Variants in MYO3B observed in about 807,000 individuals in gnomAD.
MYO3B encodes the protein myosin IIIB, also known as myosin-IIIb.
MYO3B carries 156 observed loss-of-function variants against 174.6 expected under a neutral mutation model. The observed-to-expected ratio is 0.89, with a 90% CI of 0.78 to 1.02. MYO3B has a LOEUF of 1.02. Ranked by LOEUF, MYO3B falls within the 50% of genes least tolerant of loss-of-function variation. The pLI is 0.00. For synonymous variants in MYO3B, 563 were observed against 569.1 expected (o/e 0.99, Z 0.15); for missense variants, 1,632 against 1,639.4 (o/e 1.00, Z 0.08).
At chr2:170,403,893 C>T (rs1408908259) in intron 19 of MYO3B, among the ~76,000 whole-genome samples, 1 of 152,144 alleles carries the variant, frequency 6.6e-6, no homozygotes, top group Non-Finnish European at 1.5e-5. Flanking sequence ...TGTCGAACTC[C>T]TTGCAGAAGA....
intron 22 of MYO3B, among the ~76,000 whole-genome samples, chr2:170,419,165 A>G (rs1304504329): frequency 6.6e-6 from 1 of 152,268 alleles, no homozygotes; most frequent in Non-Finnish European, 1.5e-5. Context: ...TTAGTTTGAT[A>G]TGGTGCTGGA....
At chr2:170,553,032 G>A (rs1323986067) in intron 32 of MYO3B, among the ~76,000 whole-genome samples, 3 of 152,218 alleles carry the variant, frequency 2.0e-5, no homozygotes, top group African/African-American at 7.2e-5. Context: ...AGAAGCCTCT[G>A]CCTAGATTTC....
intron 5 of MYO3B, among the ~76,000 whole-genome samples, chr2:170,217,038 G>GA (rs5836266): frequency 0.035 from 5,180 of 149,156 alleles, 320 homozygotes; most frequent in East Asian, 0.3. Context: ...TAAATGATTG[G>GA]AAAAAAAAAA....
intron 23 of MYO3B, among the ~76,000 whole-genome samples, chr2:170,457,220 A>G (rs1416878007): frequency 6.6e-6 from 1 of 152,230 alleles, no homozygotes; most frequent in African/African-American, 2.4e-5. Flanking sequence ...CTTTATAAAT[A>G]ATGTACACTT....
rs1699198800 is a variant in MYO3B at position 170,654,806 on chromosome 2, A to G, written c.*1685A>G. On this transcript the variant is annotated 3_prime_UTR_variant, in exon 35 of 35. Transcript: ENST00000408978. ...AAATAATGAAATGAGGTATTTAAAG[A>G]TCTCAGAAATTGTAATTTTACAAGT... The G allele has an allele frequency of 6.6e-6, 1 of 152,110 alleles. No individual in the cohort carries two copies. The highest frequency in any genetic ancestry group is 1.5e-5 in the Non-Finnish European group (1 of 68,016). The allele number at this position is 152,110 out of a possible 1,614,324, so 9.4% of individuals were successfully genotyped here. A position where few individuals can be genotyped will look rare whatever the true frequency, so the allele number is the denominator to read the frequency against.
At chr2:170,387,990 A>G (rs2094388171) in intron 14 of MYO3B, among the ~76,000 whole-genome samples, 1 of 152,112 alleles carries the variant, frequency 6.6e-6, no homozygotes, top group South Asian at 2.1e-4. Flanking sequence ...TGTGGTACAT[A>G]CTATCAGAGT....
chr2:170,345,555 A>G (rs2094009412), intron 8 of MYO3B, among the ~76,000 whole-genome samples: 1 of 152,108 alleles, frequency 6.6e-6, no homozygotes, highest in Non-Finnish European at 1.5e-5. Context: ...CCCACATTTT[A>G]GTGAATAATG....
At chr2:170,546,812 G>A (rs1690523375) in intron 32 of MYO3B, among the ~76,000 whole-genome samples, 2 of 152,104 alleles carry the variant, frequency 1.3e-5, no homozygotes, top group South Asian at 4.1e-4. Context: ...AGAACATTGT[G>A]ACCTTTTCAG....
intron 25 of MYO3B, among the ~76,000 whole-genome samples, chr2:170,470,127 A>AAAAG (rs1559032936): frequency 7.0e-6 from 1 of 141,886 alleles, no homozygotes; most frequent in Non-Finnish European, 1.5e-5. Flanking sequence ...AAAAAAAAAA[A>AAAAG]AAAGAAGGAA....
intron 32 of MYO3B, among the ~76,000 whole-genome samples, chr2:170,554,411 A>G (rs1409712456): frequency 6.6e-6 from 1 of 152,208 alleles, no homozygotes; most frequent in East Asian, 1.9e-4. Context: ...AATCAATAGC[A>G]AGATTCTGAC....
intron 32 of MYO3B, among the ~76,000 whole-genome samples, chr2:170,573,076 C>T (rs1692546109): frequency 6.6e-6 from 1 of 151,764 alleles, no homozygotes; most frequent in African/African-American, 2.4e-5. Flanking sequence ...ATCTGTAAGG[C>T]AGAACCACTC....
At position 170,528,549 on chromosome 2, in the gene MYO3B, C is replaced by T. The variant is rs560256099; in HGVS notation, c.3575+9009C>T. Among the ~76,000 whole-genome samples, 9 of 152,236 alleles carry T rather than the reference C, an allele frequency of 5.9e-5. No individual in the cohort carries two copies. In the South Asian group the frequency reaches 1.9e-3, roughly 32 times the overall value. On this transcript the variant is annotated intron_variant, in intron 30 of 34. Coordinates refer to ENST00000408978, the MANE Select transcript of MYO3B (RefSeq NM_138995.5). ...GCCTCCTGACTAGCTGGGACTATAG[C>T]TGTGCACCACCATGACCAGCTAATT...
intron 7 of MYO3B, chr2:170,332,077 A>G (rs2093915620): frequency 6.6e-6 from 1 of 152,208 alleles, no homozygotes; most frequent in Non-Finnish European, 1.5e-5. Flanking sequence ...TAGAATGTGG[A>G]CATCTTTGAG....
chr2:170,222,011 A>G (rs1282482141), intron 6 of MYO3B, among the ~76,000 whole-genome samples: 5 of 152,262 alleles, frequency 3.3e-5, no homozygotes, highest in African/African-American at 1.2e-4. Context: ...TAACTTGAAC[A>G]ATAGATAATT....
chr2:170,517,644 C>T (rs1481160677), intron 29 of MYO3B, among the ~76,000 whole-genome samples: 3 of 152,146 alleles, frequency 2.0e-5, no homozygotes, highest in East Asian at 3.8e-4. Flanking sequence ...GGCCAGAGAA[C>T]AAGGTTAAAA....
intron 32 of MYO3B, among the ~76,000 whole-genome samples, chr2:170,606,578 G>A (rs1027156188): frequency 2.0e-5 from 3 of 152,144 alleles, no homozygotes; most frequent in African/African-American, 7.2e-5. Context: ...CTCCATGAAG[G>A]TATGGGTCAT....
intron 30 of MYO3B, among the ~76,000 whole-genome samples, chr2:170,525,118 T>A (rs1445238765): frequency 6.6e-6 from 1 of 152,140 alleles, no homozygotes; most frequent in African/African-American, 2.4e-5. Context: ...CTGTGATTGA[T>A]GAAGAAAATT....
chr2:170,498,328 C>T (rs897965679), intron 25 of MYO3B, among the ~76,000 whole-genome samples: 1 of 152,118 alleles, frequency 6.6e-6, no homozygotes, highest in East Asian at 1.9e-4. Context: ...ATTTTGAATG[C>T]ACTAGACACC....
chr2:170,430,182 A>T (rs2094697986), intron 22 of MYO3B, among the ~76,000 whole-genome samples: 1 of 151,992 alleles, frequency 6.6e-6, no homozygotes, highest in Non-Finnish European at 1.5e-5. Flanking sequence ...TACTAATTGC[A>T]TTCTATTCAT....
Sources: gnomAD v4.1 joint callset for allele counts (sites outside exome capture counted in the v4.1 genomes callset) on GRCh38, gnomAD v4.1.1 for gene constraint, MANE v1.5 for transcripts, NCBI Gene and HGNC (gene_info 2026-07-23, HGNC 2026-07-21) for gene names.